The following PRKG1 variants were observed in gnomAD, a reference collection of about 807,000 sequenced individuals.
PRKG1 encodes the protein cGMP-dependent protein kinase 1.
Under a neutral mutation model 88.1 loss-of-function variants are expected in PRKG1, and 35 were observed. The observed-to-expected ratio is 0.40, with a 90% CI of 0.30 to 0.53. The LOEUF is 0.53. Among genes scored for constraint, PRKG1 ranks in the 20% least tolerant of loss-of-function variants. The pLI is 0.59. For missense variants in PRKG1, 540 were observed against 839.8 expected (o/e 0.64, Z 4.41); for synonymous variants, 303 against 292.5 (o/e 1.04, Z -0.37).
chr10:51,293,183 CAG>C (rs1471477701), intron 2 of PRKG1, among the ~76,000 whole-genome samples: 2 of 139,952 alleles, frequency 1.4e-5, no homozygotes, highest in African/African-American at 2.9e-5. Flanking sequence ...TGTCACCTGA[CAG>C]AGTTACCATT....
At chr10:52,023,149 G>A (rs1332262791) in intron 5 of PRKG1, among the ~76,000 whole-genome samples, 1 of 152,156 alleles carries the variant, frequency 6.6e-6, no homozygotes, top group Non-Finnish European at 1.5e-5. Flanking sequence ...TCCCACTTAT[G>A]AGTGAGAACA....
chr10:52,213,969 T>A (rs1840048141), intron 9 of PRKG1, among the ~76,000 whole-genome samples: 1 of 152,158 alleles, frequency 6.6e-6, no homozygotes, highest in African/African-American at 2.4e-5. Flanking sequence ...AAGAAATACC[T>A]TTTTAGAAAA....
chr10:52,132,022 CAAATG>C (rs972621622), intron 7 of PRKG1, among the ~76,000 whole-genome samples: 1 of 150,750 alleles, frequency 6.6e-6, no homozygotes, highest in Non-Finnish European at 1.5e-5. Flanking sequence ...CAGTGAGAAA[CAAATG>C]AAAAGGAAAG....
Position 52,020,618 on chromosome 10 carries a change from G to A in PRKG1, c.763-33866G>A, listed in dbSNP as rs377485214. On this transcript the variant is annotated intron_variant, in intron 5 of 17. Transcript: ENST00000373980. Reference sequence around the variant, plus strand: ...GAGTGGTGTTTAACCTTGATCCTAGGACTTTATGGGCTGGCCCCTTTCCCA... The same window carrying A: ...GAGTGGTGTTTAACCTTGATCCTAGAACTTTATGGGCTGGCCCCTTTCCCA... 3.9e-5 allele frequency among the ~76,000 whole-genome samples: 6 copies of A among 152,106 alleles called. No homozygotes were observed. The South Asian group carries it at 1.2e-3, about 32-fold the overall frequency.
intron 3 of PRKG1, among the ~76,000 whole-genome samples, chr10:51,584,200 G>T (rs1026781729): frequency 1.3e-5 from 2 of 151,962 alleles, no homozygotes; most frequent in African/African-American, 4.8e-5. Flanking sequence ...GACCTAATTT[G>T]CCAAGTGCAA....
chr10:52,090,660 A>G (rs953697865), intron 7 of PRKG1, among the ~76,000 whole-genome samples: 2 of 152,210 alleles, frequency 1.3e-5, no homozygotes, highest in African/African-American at 4.8e-5. Flanking sequence ...TTTGTTAATT[A>G]CCATAGTCCT....
chr10:51,224,808 T>C (rs1190727275), intron 2 of PRKG1, among the ~76,000 whole-genome samples: 1 of 152,166 alleles, frequency 6.6e-6, no homozygotes, highest in Non-Finnish European at 1.5e-5. Flanking sequence ...GAGAATAGAA[T>C]TGAAGAGGAC....
chr10:51,938,636 C>T (rs1589437089), intron 5 of PRKG1, among the ~76,000 whole-genome samples: 1 of 151,934 alleles, frequency 6.6e-6, no homozygotes, highest in African/African-American at 2.4e-5. Context: ...TTACTCACCC[C>T]TCTTCCCACT....
At chr10:51,617,014 T>G (rs1480865225) in intron 3 of PRKG1, among the ~76,000 whole-genome samples, 1 of 152,118 alleles carries the variant, frequency 6.6e-6, no homozygotes, top group African/African-American at 2.4e-5. Flanking sequence ...TGTAGCAGCT[T>G]AGTTCTCAGG....
At chr10:51,388,642 C>T (rs529189266) in intron 2 of PRKG1, among the ~76,000 whole-genome samples, 1 of 152,264 alleles carries the variant, frequency 6.6e-6, no homozygotes, top group East Asian at 1.9e-4. Flanking sequence ...TTAAATTCTC[C>T]TAACACTCAA....
At chr10:51,768,787 T>C (rs890828992) in intron 3 of PRKG1, among the ~76,000 whole-genome samples, 1 of 152,182 alleles carries the variant, frequency 6.6e-6, no homozygotes, top group African/African-American at 2.4e-5. Context: ...TTAACTAGCT[T>C]AAACAGTAAA....
At chr10:51,199,264 A>G (rs1418507616) in intron 2 of PRKG1, among the ~76,000 whole-genome samples, 1 of 152,238 alleles carries the variant, frequency 6.6e-6, no homozygotes, top group Non-Finnish European at 1.5e-5. Context: ...CTTAGCAAGT[A>G]GTGGTACCTG....
intron 1 of PRKG1, among the ~76,000 whole-genome samples, chr10:51,015,322 T>C (rs961507813): frequency 3.3e-5 from 5 of 152,244 alleles, no homozygotes; most frequent in African/African-American, 1.2e-4. Context: ...AAACCTACTA[T>C]GTTCAAGATA....
chr10:52,044,640 A>G (rs538202458), intron 5 of PRKG1, among the ~76,000 whole-genome samples: 98 of 152,302 alleles, frequency 6.4e-4, no homozygotes, highest in African/African-American at 2.3e-3. Context: ...AATTATTTAC[A>G]TGCACAAACC....
At chr10:51,052,274 A>C (rs961674579) in intron 1 of PRKG1, among the ~76,000 whole-genome samples, 10 of 152,198 alleles carry the variant, frequency 6.6e-5, no homozygotes, top group African/African-American at 2.4e-4. Context: ...ATATGGCCAA[A>C]GATAATTTTT....
In PRKG1 at chr10:51,325,572, C is replaced by A. The variant is rs182106751; in HGVS notation, c.479-142151C>A. 3.6e-4 allele frequency among the ~76,000 whole-genome samples: 55 copies of A among 152,292 alleles called. 1 individual carries two copies. Among genetic ancestry groups the A allele is most frequent in the Middle Eastern group, 6.8e-3 (2 of 294 alleles). ...TATTCTTCGATACTGTAGGTTTTCT[C>A]TTCGCTTTGTTGTTTCATTTGCTAT... On this transcript the variant is annotated intron_variant, in intron 2 of 17. Transcript: ENST00000373980.
intron 9 of PRKG1, among the ~76,000 whole-genome samples, chr10:52,233,404 G>C (rs891055053): frequency 6.6e-6 from 1 of 150,734 alleles, no homozygotes; most frequent in Non-Finnish European, 1.5e-5. Flanking sequence ...CTGAGGTACC[G>C]GGTTCATCTC....
At chr10:52,188,791 C>T (rs1839287573) in intron 9 of PRKG1, among the ~76,000 whole-genome samples, 1 of 151,980 alleles carries the variant, frequency 6.6e-6, no homozygotes, top group Non-Finnish European at 1.5e-5. Context: ...AGACAAGGTG[C>T]ACATCTTTCA....
intron 3 of PRKG1, among the ~76,000 whole-genome samples, chr10:51,693,059 G>A (rs1023740311): frequency 6.6e-6 from 1 of 151,976 alleles, no homozygotes; most frequent in Non-Finnish European, 1.5e-5. Context: ...GGGCCAAGGC[G>A]GGTGGATCAT....
Sources: gnomAD v4.1 joint callset for allele counts (sites outside exome capture counted in the v4.1 genomes callset) on GRCh38, gnomAD v4.1.1 for gene constraint, MANE v1.5 for transcripts, NCBI Gene and HGNC (gene_info 2026-07-23, HGNC 2026-07-21) for gene names.